Variants in SHISA9 observed in about 807,000 individuals in gnomAD.
SHISA9 encodes shisa family member 9.
In SHISA9, 13 loss-of-function variants were observed where a neutral mutation model predicts 38.0. The observed-to-expected ratio is 0.34, with a 90% CI of 0.22 to 0.54. SHISA9 has a LOEUF of 0.54. Among genes scored for constraint, SHISA9 ranks in the 20% least tolerant of loss-of-function variants. The probability of loss-of-function intolerance (pLI) is 0.91; values close to 1 mark genes in which losing one functional copy is unlikely to be tolerated. For synonymous variants in SHISA9, 275 were observed against 242.0 expected, an observed-to-expected ratio of 1.14 and a Z score of -1.27; for missense variants, 538 against 575.8, an observed-to-expected ratio of 0.93 and a Z score of 0.67.
the SHISA9 span, among the ~76,000 whole-genome samples, chr16:13,327,466 A>T: frequency 6.6e-6 from 1 of 151,956 alleles, no homozygotes; most frequent in Non-Finnish European, 1.5e-5. Context: ...AAATACAAAA[A>T]TTAGGTGGCT....
chr16:13,167,251 T>C (rs751248670), intron 2 of SHISA9, among the ~76,000 whole-genome samples: 60 of 151,978 alleles, frequency 3.9e-4, no homozygotes, highest in Non-Finnish European at 7.4e-4. Context: ...TTTGTATTTT[T>C]AGTAGAGATA....
intron 2 of SHISA9, among the ~76,000 whole-genome samples, chr16:13,135,140 A>G (rs1258434170): frequency 6.6e-6 from 1 of 152,214 alleles, no homozygotes; most frequent in Non-Finnish European, 1.5e-5. Flanking sequence ...CAATTCTTCC[A>G]TAGGGAAGAA....
the SHISA9 span, among the ~76,000 whole-genome samples, chr16:13,537,683 A>G: frequency 6.6e-6 from 1 of 152,188 alleles, no homozygotes; most frequent in Non-Finnish European, 1.5e-5. Flanking sequence ...TATCTTGATT[A>G]TGGTACACGT....
At chr16:13,039,865 C>G (rs1596604927) in intron 2 of SHISA9, among the ~76,000 whole-genome samples, 1 of 152,158 alleles carries the variant, frequency 6.6e-6, no homozygotes, top group African/African-American at 2.4e-5. Flanking sequence ...GCTGTGTGAC[C>G]TGGACTTCAG....
the SHISA9 span, among the ~76,000 whole-genome samples, chr16:13,554,775 T>C: frequency 6.6e-6 from 1 of 152,178 alleles, no homozygotes; most frequent in South Asian, 2.1e-4. Flanking sequence ...GCCCAGTTCA[T>C]TTGTTTTCTT....
At chr16:13,343,106 G>C in the SHISA9 span, among the ~76,000 whole-genome samples, 15 of 152,080 alleles carry the variant, frequency 9.9e-5, no homozygotes, top group Non-Finnish European at 2.1e-4. Context: ...GATTATTTTT[G>C]TTTTATTTTT....
chr16:13,480,135 G>A, the SHISA9 span, among the ~76,000 whole-genome samples: 9 of 152,190 alleles, frequency 5.9e-5, no homozygotes, highest in East Asian at 3.9e-4. Flanking sequence ...CTTGGTGTGC[G>A]GTGTAGTGGG....
chr16:12,966,439 G>C (rs1334732780), intron 2 of SHISA9, among the ~76,000 whole-genome samples: 2 of 152,026 alleles, frequency 1.3e-5, no homozygotes, highest in Non-Finnish European at 2.9e-5. Context: ...TTTTTTTGTA[G>C]AGACAGGGTC....
chr16:13,121,506 T>G (rs1402114748), intron 2 of SHISA9, among the ~76,000 whole-genome samples: 1 of 152,186 alleles, frequency 6.6e-6, no homozygotes, highest in Non-Finnish European at 1.5e-5. Flanking sequence ...ATAAAGATTA[T>G]TTGTCTCTGC....
At chr16:12,938,772 G>A (rs1012502308) in intron 2 of SHISA9, among the ~76,000 whole-genome samples, 1 of 152,096 alleles carries the variant, frequency 6.6e-6, no homozygotes, top group African/African-American at 2.4e-5. Flanking sequence ...CAAAGTGTTG[G>A]AATTACAGGC....
intron 2 of SHISA9, among the ~76,000 whole-genome samples, chr16:13,035,694 C>G (rs549062219): frequency 6.6e-6 from 1 of 152,242 alleles, no homozygotes; most frequent in South Asian, 2.1e-4. Flanking sequence ...CCATGCCTGG[C>G]TAATTTTCAT....
chr16:13,357,847 G>A, the SHISA9 span, among the ~76,000 whole-genome samples: 2 of 151,994 alleles, frequency 1.3e-5, no homozygotes, highest in African/African-American at 2.4e-5. Context: ...GAGCCAGGAT[G>A]AGCCAGGAAA....
intron 2 of SHISA9, among the ~76,000 whole-genome samples, chr16:13,043,814 C>A (rs1268346240): frequency 6.6e-6 from 1 of 152,192 alleles, no homozygotes; most frequent in Non-Finnish European, 1.5e-5. Context: ...GCCTGAAATT[C>A]CTCTCTCCTG....
the SHISA9 span, among the ~76,000 whole-genome samples, chr16:13,522,245 G>A: frequency 1.3e-5 from 2 of 152,214 alleles, no homozygotes; most frequent in South Asian, 4.1e-4. Context: ...ATGCTCAGAT[G>A]CAAAGGCAGA....
the SHISA9 span, among the ~76,000 whole-genome samples, chr16:13,478,886 A>T: frequency 2.0e-5 from 3 of 152,188 alleles, no homozygotes; most frequent in African/African-American, 4.8e-5. Flanking sequence ...CTGATCCACC[A>T]TTAGTGCATC....
At chr16:12,945,049 C>G (rs78378067) in intron 2 of SHISA9, among the ~76,000 whole-genome samples, 6,450 of 152,206 alleles carry the variant, frequency 0.042, 421 homozygotes, top group African/African-American at 0.15. Context: ...GGCTTATCCA[C>G]CAAATTCTAG....
intron 2 of SHISA9, among the ~76,000 whole-genome samples, chr16:12,974,974 A>T (rs2072137198): frequency 6.6e-6 from 1 of 152,174 alleles, no homozygotes; most frequent in South Asian, 2.1e-4. Context: ...GCCAGCTGAG[A>T]TTCCAGCATT....
chr16:13,375,422 A>C, the SHISA9 span, among the ~76,000 whole-genome samples: 3 of 152,314 alleles, frequency 2.0e-5, no homozygotes, highest in South Asian at 2.1e-4. Context: ...CATTTATTAA[A>C]TAGGGAATCC....
At position 13,173,007 on chromosome 16, in the gene SHISA9, C is replaced by T. The variant is rs117633069; in HGVS notation, c.692-30387C>T. Among the ~76,000 whole-genome samples, 288 of 152,066 alleles carry T rather than the reference C, an allele frequency of 1.9e-3. 7 individuals carry two copies. In the East Asian group the frequency reaches 0.052, roughly 28 times the overall value. On this transcript the variant is annotated intron_variant, in intron 2 of 4. Coordinates refer to ENST00000558583, the MANE Select transcript of SHISA9 (RefSeq NM_001145204.3). Reference sequence around the variant, plus strand: ...AGTAAAGACCAGTGCATTAGGAGCTCAACATATAATGATGCTTTAATGACC... The same window carrying T: ...AGTAAAGACCAGTGCATTAGGAGCTTAACATATAATGATGCTTTAATGACC...
Sources: allele counts gnomAD v4.1 joint callset (sites outside exome capture counted in the v4.1 genomes callset), GRCh38; gene constraint gnomAD v4.1.1; transcripts MANE v1.5; gene names NCBI Gene and HGNC (gene_info 2026-07-23, HGNC 2026-07-21).